The following GALNT13 variants were observed in gnomAD, a reference collection of about 807,000 sequenced individuals.
The protein encoded by GALNT13 is polypeptide N-acetylgalactosaminyltransferase 13.
Under a neutral mutation model 64.2 loss-of-function variants are expected in GALNT13, and 28 were observed. The observed-to-expected ratio is 0.44, with a 90% CI of 0.32 to 0.60. The LOEUF is 0.60. Among genes scored for constraint, GALNT13 ranks in the 20% least tolerant of loss-of-function variants. The probability of loss-of-function intolerance (pLI) is 0.05; values close to 1 mark genes in which losing one functional copy is unlikely to be tolerated. For missense variants in GALNT13, 577 were observed against 669.8 expected, an observed-to-expected ratio of 0.86 and a Z score of 1.53; for synonymous variants, 214 against 224.6, an observed-to-expected ratio of 0.95 and a Z score of 0.42.
intron 8 of GALNT13, among the ~76,000 whole-genome samples, chr2:154,276,435 C>T (rs1248387708): frequency 6.6e-6 from 1 of 151,972 alleles, no homozygotes; most frequent in Non-Finnish European, 1.5e-5. Context: ...GCATCTTCAC[C>T]ATATTGGCCA....
intron 9 of GALNT13, among the ~76,000 whole-genome samples, chr2:154,360,456 G>T (rs1320300414): frequency 6.7e-6 from 1 of 149,180 alleles, no homozygotes; most frequent in Admixed American, 6.8e-5. Context: ...GAAAAACTAT[G>T]GGGGAGAGAA....
intron 1 of GALNT13, among the ~76,000 whole-genome samples, chr2:153,893,415 T>C (rs966106068): frequency 2.0e-5 from 3 of 152,006 alleles, no homozygotes; most frequent in Non-Finnish European, 4.4e-5. Flanking sequence ...GATTATAACA[T>C]GATATGTATT....
the GALNT13 span, among the ~76,000 whole-genome samples, chr2:153,748,002 T>C: frequency 6.6e-6 from 1 of 152,204 alleles, no homozygotes; most frequent in African/African-American, 2.4e-5. Context: ...CTTTTTGATA[T>C]ACTGAATTCC....
chr2:153,625,626 G>C, the GALNT13 span, among the ~76,000 whole-genome samples: 148 of 152,156 alleles, frequency 9.7e-4, 5 homozygotes, highest in South Asian at 0.03. Flanking sequence ...ATGCATTTTG[G>C]CTCCATGCTC....
intron 4 of GALNT13, among the ~76,000 whole-genome samples, chr2:154,171,971 T>TACAC (rs57343446): frequency 0.017 from 2,390 of 144,290 alleles, 40 homozygotes; most frequent in African/African-American, 0.035. Context: ...TTCTTTCTCA[T>TACAC]ACACACACAC....
the GALNT13 span, among the ~76,000 whole-genome samples, chr2:153,660,286 C>T: frequency 4.1e-3 from 621 of 152,140 alleles, 6 homozygotes; most frequent in African/African-American, 0.014. Context: ...GCAGACTTGA[C>T]ATTGCCTTTG....
rs1219018635 is a variant in GALNT13 at position 154,376,513 on chromosome 2, TAATA to T, written c.1157-19474_1157-19471del. On this transcript the variant is annotated intron_variant, in intron 9 of 12. Transcript: ENST00000392825. The stretch of plus-strand genomic sequence containing the variant: ...TGCCTTTATTTAAAACAAATTTAGT[TAATA>T]AATTTTTTAAAAGTACACAGAGTAC... Among the ~76,000 whole-genome samples the T allele has an allele frequency of 2.6e-5, 4 of 152,146 alleles. 1 individual carries two copies. Among genetic ancestry groups the T allele is most frequent in the African/African-American group, 9.6e-5 (4 of 41,454 alleles).
At chr2:153,258,237 A>C in the GALNT13 span, among the ~76,000 whole-genome samples, 82 of 152,350 alleles carry the variant, frequency 5.4e-4, 1 homozygote, top group Admixed American at 7.2e-4. Context: ...TTTGCAGACA[A>C]ATCAGTCCTA....
At chr2:154,360,527 G>C (rs1408349042) in intron 9 of GALNT13, among the ~76,000 whole-genome samples, 5 of 152,124 alleles carry the variant, frequency 3.3e-5, no homozygotes, top group Admixed American at 6.6e-5. Context: ...TGCTTTCGCA[G>C]AAAAGCGAAA....
intron 3 of GALNT13, among the ~76,000 whole-genome samples, chr2:154,051,279 C>CTTTTTTTT (rs34890901): frequency 2.0e-5 from 2 of 102,296 alleles, no homozygotes; most frequent in East Asian, 2.9e-4. Context: ...CTTACTCCTT[C>CTTTTTTTT]TTTTTTTTTT....
At chr2:154,426,146 C>A (rs1409505848) in intron 11 of GALNT13, among the ~76,000 whole-genome samples, 5 of 152,188 alleles carry the variant, frequency 3.3e-5, no homozygotes, top group African/African-American at 1.2e-4. Flanking sequence ...CCTCTTCCAA[C>A]CTCCCTGGTT....
intron 9 of GALNT13, among the ~76,000 whole-genome samples, chr2:154,358,623 T>C (rs1696885079): frequency 6.6e-6 from 1 of 152,110 alleles, no homozygotes; most frequent in Admixed American, 6.6e-5. Context: ...TATTTGCTTT[T>C]TTGATTTTTT....
At chr2:153,559,859 G>T in the GALNT13 span, among the ~76,000 whole-genome samples, 2 of 151,822 alleles carry the variant, frequency 1.3e-5, no homozygotes, top group Non-Finnish European at 2.9e-5. Flanking sequence ...TAAGTTTTTT[G>T]GATTTTTCTC....
At chr2:153,438,596 A>C in the GALNT13 span, among the ~76,000 whole-genome samples, 159 of 151,942 alleles carry the variant, frequency 1.0e-3, 2 homozygotes, top group African/African-American at 3.6e-3. Context: ...TCGCTGATAT[A>C]CTTTCTTCCA....
At chr2:154,371,555 T>G (rs750215115) in intron 9 of GALNT13, among the ~76,000 whole-genome samples, 13 of 152,048 alleles carry the variant, frequency 8.5e-5, no homozygotes, top group Non-Finnish European at 1.6e-4. Context: ...GAGAAACTGA[T>G]GATTCAGGAT....
the GALNT13 span, among the ~76,000 whole-genome samples, chr2:153,176,880 A>G: frequency 1.2e-4 from 19 of 152,150 alleles, no homozygotes; most frequent in African/African-American, 4.3e-4. Context: ...TATTTTTTAA[A>G]TGATAAAAAA....
chr2:154,013,037 A>T, intron 3 of GALNT13, among the ~76,000 whole-genome samples: 1 of 147,550 alleles, frequency 6.8e-6, no homozygotes, highest in Admixed American at 6.9e-5. Context: ...TCCTGTGTAT[A>T]TTTTGTATTC....
At chr2:154,317,440 C>A (rs1367866322) in intron 9 of GALNT13, among the ~76,000 whole-genome samples, 1 of 152,128 alleles carries the variant, frequency 6.6e-6, no homozygotes, top group African/African-American at 2.4e-5. Context: ...AATCTTTTAG[C>A]GATGTTCTAG....
At chr2:154,282,258 A>G (rs1164860514) in intron 8 of GALNT13, among the ~76,000 whole-genome samples, 1 of 152,126 alleles carries the variant, frequency 6.6e-6, no homozygotes, top group Non-Finnish European at 1.5e-5. Flanking sequence ...AACGAGAGGA[A>G]TTCCCATATT....
Sources: allele counts gnomAD v4.1 joint callset (sites outside exome capture counted in the v4.1 genomes callset), GRCh38; gene constraint gnomAD v4.1.1; transcripts MANE v1.5; gene names NCBI Gene and HGNC (gene_info 2026-07-23, HGNC 2026-07-21).